The following CECR2 variants were observed in gnomAD, a reference collection of about 807,000 sequenced individuals.
CECR2 encodes chromatin remodeling regulator CECR2.
In CECR2, 30 loss-of-function variants were observed where a neutral mutation model predicts 154.5. The observed-to-expected ratio is 0.19, with a 90% CI of 0.15 to 0.26. The LOEUF is 0.26. Ranked by LOEUF, CECR2 falls within the 10% of genes least tolerant of loss-of-function variation. CECR2 has a pLI of 1.00. For missense variants in CECR2, 1,743 were observed against 1,829.3 expected, an observed-to-expected ratio of 0.95 and a Z score of 0.86; for synonymous variants, 725 against 683.7, an observed-to-expected ratio of 1.06 and a Z score of -0.94.
intron 9 of CECR2, among the ~76,000 whole-genome samples, chr22:17,530,292 G>T (rs936495462): frequency 1.3e-4 from 20 of 151,512 alleles, no homozygotes; most frequent in African/African-American, 4.8e-4. Context: ...GTGGTGCCGC[G>T]CCCGGCACAT....
chr22:17,469,609 TCCAGTAAGAATCCAGTTCTC>T (rs2055091027), intron 1 of CECR2, among the ~76,000 whole-genome samples: 15 of 141,858 alleles, frequency 1.1e-4, no homozygotes, highest in East Asian at 6.1e-4. Context: ...TTTTTTTTTT[TCCAGTAAGAATCCAGTTCTC>T]TTTTCTTCAT....
intron 1 of CECR2, among the ~76,000 whole-genome samples, chr22:17,451,592 T>TTCCGTTCC (rs754597449): frequency 2.6e-5 from 4 of 152,314 alleles, no homozygotes; most frequent in East Asian, 3.9e-4. Flanking sequence ...CACAGGATTC[T>TTCCGTTCC]TCCGTTCCTC....
intron 1 of CECR2, among the ~76,000 whole-genome samples, chr22:17,451,933 C>CT (rs1177319405): frequency 1.3e-5 from 2 of 152,098 alleles, no homozygotes; most frequent in African/African-American, 4.8e-5. Flanking sequence ...ACGTGAAGGA[C>CT]TTGAGGCCTG....
intron 1 of CECR2, among the ~76,000 whole-genome samples, chr22:17,442,256 G>C (rs1347202467): frequency 1.3e-5 from 2 of 152,082 alleles, no homozygotes; most frequent in African/African-American, 4.8e-5. Context: ...CCATGGTGAG[G>C]GAAGCTTATT....
intron 1 of CECR2, among the ~76,000 whole-genome samples, chr22:17,398,138 CATTGATTAT>C (rs1238689359): frequency 1.1e-4 from 16 of 151,274 alleles, no homozygotes; most frequent in African/African-American, 3.4e-4. Context: ...TTGAGGAATA[CATTGATTAT>C]ATTTATGAAT....
In CECR2 at chr22:17,553,747, A is replaced by G. The variant is rs1228486277; in HGVS notation, c.*907A>G. 1 of 152,142 alleles carries G rather than the reference A, an allele frequency of 6.6e-6. No homozygotes were observed. 9.4% of individuals were successfully genotyped at this position (152,142 alleles called of 1,614,324 possible). On this transcript the variant is annotated 3_prime_UTR_variant, in exon 19 of 19. Transcript: ENST00000262608. ...CACCAGCCCTACCGAATAGTTGTAA[A>G]CCAGTATCAGGAATTGGGATCGCTA...
At position 17,516,307 on chromosome 22, in the gene CECR2, TATATATAC is replaced by T. The variant is rs2056054736; in HGVS notation, c.954+4422_954+4429del. 3.4e-5 allele frequency among the ~76,000 whole-genome samples: 5 copies of T among 147,108 alleles called. 1 individual carries two copies. The highest frequency in any genetic ancestry group is 1.4e-4 in the African/African-American group (5 of 36,644). On this transcript the variant is annotated intron_variant, in intron 8 of 18. Transcript: ENST00000262608. Reference sequence around the variant, plus strand: ...ATTATATGTGTATACATTTTATATGTATATATACATATATACATGTATGTACATGCACC... The same window carrying T: ...ATTATATGTGTATACATTTTATATGTATATATACATGTATGTACATGCACC...
At chr22:17,391,808 G>A (rs549839554) in intron 1 of CECR2, among the ~76,000 whole-genome samples, 41 of 152,324 alleles carry the variant, frequency 2.7e-4, no homozygotes, top group African/African-American at 9.4e-4. Context: ...GAATACAGAT[G>A]CTTTTGTTTG....
At chr22:17,402,173 C>T (rs1343745704) in intron 1 of CECR2, among the ~76,000 whole-genome samples, 2 of 152,072 alleles carry the variant, frequency 1.3e-5, no homozygotes, top group African/African-American at 4.8e-5. Context: ...TTAGTAGAGA[C>T]GGGATTTCAC....
chr22:17,414,128 A>T (rs531421504), intron 1 of CECR2, among the ~76,000 whole-genome samples: 1 of 151,440 alleles, frequency 6.6e-6, no homozygotes, highest in African/African-American at 2.4e-5. Flanking sequence ...GCCTGCCACC[A>T]CGCCTGGCTA....
chr22:17,491,576 T>TG (rs1431732208), intron 2 of CECR2, among the ~76,000 whole-genome samples: 2 of 78,008 alleles, frequency 2.6e-5, no homozygotes, highest in Non-Finnish European at 5.8e-5. Flanking sequence ...TCTGTGTGTG[T>TG]GTGTGTGGGG....
At chr22:17,465,435 TTC>T (rs2055015131) in intron 1 of CECR2, among the ~76,000 whole-genome samples, 1 of 152,202 alleles carries the variant, frequency 6.6e-6, no homozygotes, top group African/African-American at 2.4e-5. Context: ...GTTCAAGTGA[TTC>T]TCATGCCTCA....
chr22:17,445,543 T>TTTATTATTA (rs3994823), intron 1 of CECR2, among the ~76,000 whole-genome samples: 2,282 of 141,412 alleles, frequency 0.016, 27 homozygotes, highest in Middle Eastern at 0.022. Context: ...TGCTCTATAC[T>TTTATTATTA]TTATTATTAT....
intron 1 of CECR2, 82 bp from the exon 2 acceptor site, chr22:17,477,506 G>T: frequency 1.1e-6 from 1 of 910,798 alleles, no homozygotes; most frequent in Non-Finnish European, 1.8e-6. Context: ...CAGTTCTTGG[G>T]GCTTGTGCTG....
At chr22:17,375,550 A>T (rs2063108849) in intron 1 of CECR2, among the ~76,000 whole-genome samples, 2 of 152,206 alleles carry the variant, frequency 1.3e-5, no homozygotes, top group South Asian at 4.1e-4. Context: ...AAAGGCCCCA[A>T]GTAGAGTGGG....
intron 3 of CECR2, among the ~76,000 whole-genome samples, chr22:17,497,991 G>C (rs1601461509): frequency 6.6e-6 from 1 of 152,174 alleles, no homozygotes; most frequent in South Asian, 2.1e-4. Flanking sequence ...AACCGTATAT[G>C]TTAGTGAAGG....
At chr22:17,432,621 G>A (rs972544668) in intron 1 of CECR2, among the ~76,000 whole-genome samples, 20 of 152,028 alleles carry the variant, frequency 1.3e-4, no homozygotes, top group Admixed American at 1.0e-3. Flanking sequence ...CCACATCCTC[G>A]CCAACACTTG....
intron 1 of CECR2, among the ~76,000 whole-genome samples, chr22:17,378,494 C>T (rs551326027): frequency 6.6e-6 from 1 of 152,128 alleles, no homozygotes; most frequent in East Asian, 1.9e-4. Flanking sequence ...GACGGGGTTT[C>T]ACCGTGTTAG....
rs146590173 is a variant in CECR2, at chr22:17,465,188, G to C, written c.127-12400G>C. On this transcript the variant is annotated intron_variant, in intron 1 of 18. Coordinates refer to ENST00000262608, the MANE Select transcript of CECR2 (RefSeq NM_001290047.2). ...AGTTTTTGTATTTTTAGTAAAGACG[G>C]GGTTTCACCGTGTTAGCCAGGATGG... is the stretch of plus-strand genomic sequence containing the variant. Among the ~76,000 whole-genome samples the C allele has an allele frequency of 5.1e-3, 776 of 152,022 alleles. 7 individuals carry two copies. The highest frequency in any genetic ancestry group is 0.017 in the African/African-American group (720 of 41,476).
Sources: gnomAD v4.1 joint callset for allele counts (sites outside exome capture counted in the v4.1 genomes callset) on GRCh38, gnomAD v4.1.1 for gene constraint, MANE v1.5 for transcripts, NCBI Gene and HGNC (gene_info 2026-07-23, HGNC 2026-07-21) for gene names.